GSK3B: variants seen among roughly 807,000 people sequenced by gnomAD.
The protein encoded by GSK3B is glycogen synthase kinase 3 beta.
GSK3B carries 15 observed loss-of-function variants against 56.4 expected under a neutral mutation model. The observed-to-expected ratio is 0.27, with a 90% CI of 0.18 to 0.41. GSK3B has a LOEUF of 0.41. Ranked by LOEUF, GSK3B falls within the 10% of genes least tolerant of loss-of-function variation. The pLI is 1.00. For missense variants in GSK3B, 300 were observed against 513.4 expected (o/e 0.58, Z 4.02); for synonymous variants, 181 against 188.9 (o/e 0.96, Z 0.34).
intron 10 of GSK3B, among the ~76,000 whole-genome samples, chr3:119,833,630 T>C (rs1482389357): frequency 1.3e-5 from 2 of 149,940 alleles, no homozygotes; most frequent in South Asian, 2.1e-4. Context: ...TTTAGACAAA[T>C]CAAATGAGCC....
At chr3:119,923,346 A>T (rs1170480564) in intron 4 of GSK3B, 27 bp downstream of exon 4, 1 of 1,210,782 alleles carries the variant, frequency 8.3e-7, no homozygotes, top group East Asian at 2.3e-5. Flanking sequence ...GTTTTCTAAA[A>T]TGGAAAATTG....
chr3:119,869,245 A>AAAAAAAAC (rs1455323431), intron 8 of GSK3B, among the ~76,000 whole-genome samples: 82 of 149,508 alleles, frequency 5.5e-4, no homozygotes, highest in African/African-American at 2.0e-3. Flanking sequence ...AAAAAAAAAA[A>AAAAAAAAC]ACATATATTC....
chr3:119,834,271 T>C (rs1175757962), intron 10 of GSK3B, among the ~76,000 whole-genome samples: 1 of 152,228 alleles, frequency 6.6e-6, no homozygotes, highest in East Asian at 1.9e-4. Context: ...TGTTATTAAC[T>C]GGCACATTAA....
chr3:119,865,452 ATATATATATATATATTTTTT>A (rs1426857514), intron 8 of GSK3B, among the ~76,000 whole-genome samples: 1 of 18,194 alleles, frequency 5.5e-5, no homozygotes, highest in Non-Finnish European at 1.5e-4. Context: ...ATATATATAT[ATATATATATATATATTTTTT>A]TTTTTTTTTT....
At chr3:120,042,223 TTCC>T (rs2058069874) in intron 1 of GSK3B, among the ~76,000 whole-genome samples, 1 of 152,148 alleles carries the variant, frequency 6.6e-6, no homozygotes, top group Non-Finnish European at 1.5e-5. Context: ...ACTCCTTACC[TTCC>T]TCCTCCTACT....
At chr3:120,003,534 T>G (rs1343028309) in intron 1 of GSK3B, among the ~76,000 whole-genome samples, 1 of 152,154 alleles carries the variant, frequency 6.6e-6, no homozygotes, top group Non-Finnish European at 1.5e-5. Context: ...CATTACAATT[T>G]CCTTTCTAAA....
At chr3:119,986,521 C>T (rs973298344) in intron 2 of GSK3B, among the ~76,000 whole-genome samples, 6 of 151,026 alleles carry the variant, frequency 4.0e-5, no homozygotes, top group Admixed American at 4.0e-4. Context: ...AAGTGGGCAA[C>T]AGATATGAAC....
chr3:119,998,346 T>A (rs2057644272), intron 2 of GSK3B, among the ~76,000 whole-genome samples: 1 of 152,188 alleles, frequency 6.6e-6, no homozygotes, highest in Non-Finnish European at 1.5e-5. Flanking sequence ...AACAGGCCCA[T>A]GTGGCAAGGG....
intron 1 of GSK3B, among the ~76,000 whole-genome samples, chr3:120,038,583 G>GA: frequency 6.6e-6 from 1 of 152,070 alleles, no homozygotes; most frequent in Non-Finnish European, 1.5e-5. Flanking sequence ...GTCTTTTTCT[G>GA]AAAAATGGTA....
At chr3:119,888,194 C>T (rs1487492304) in intron 7 of GSK3B, among the ~76,000 whole-genome samples, 1 of 152,078 alleles carries the variant, frequency 6.6e-6, no homozygotes, top group African/African-American at 2.4e-5. Context: ...ATTTCCCCCT[C>T]ATTAAAAAAT....
chr3:119,876,806 C>T (rs1442944860), intron 7 of GSK3B, among the ~76,000 whole-genome samples: 1 of 152,096 alleles, frequency 6.6e-6, no homozygotes, highest in African/African-American at 2.4e-5. Context: ...ATTTCAAGAG[C>T]AGGCTGGTTA....
chr3:120,072,851 A>G (rs1462897521), intron 1 of GSK3B, among the ~76,000 whole-genome samples: 1 of 152,204 alleles, frequency 6.6e-6, no homozygotes, highest in Non-Finnish European at 1.5e-5. Flanking sequence ...AAGTGTTAAC[A>G]CTTCTGTTCT....
intron 9 of GSK3B, among the ~76,000 whole-genome samples, chr3:119,854,758 T>C (rs1016179296): frequency 6.6e-6 from 1 of 152,250 alleles, no homozygotes; most frequent in Non-Finnish European, 1.5e-5. Flanking sequence ...GTGGGATCGG[T>C]GGTGATACCC....
rs1159711149 is a variant in GSK3B at position 119,824,446 on chromosome 3, G to A, written c.*2342C>T. The A allele has an allele frequency of 4.7e-6, 1 of 214,996 alleles. No homozygotes were observed. Among genetic ancestry groups the A allele is most frequent in the Admixed American group, 5.9e-5 (1 of 17,084 alleles). The allele number at this position is 214,996 out of a possible 1,614,324, so 13.3% of individuals were successfully genotyped here. A position where few individuals can be genotyped will look rare whatever the true frequency, so the allele number is the denominator to read the frequency against. ...GGGGGCAACCTGTTTCCTAAAATAAGCACTGATTTTTATGGACTCTGGGGA... is the reference window on the plus strand; with the variant it reads ...GGGGGCAACCTGTTTCCTAAAATAAACACTGATTTTTATGGACTCTGGGGA... On this transcript the variant is annotated 3_prime_UTR_variant, in exon 11 of 11. Transcript: ENST00000264235.
chr3:119,929,334 TACTC>T (rs774436659), intron 3 of GSK3B, among the ~76,000 whole-genome samples: 6 of 152,236 alleles, frequency 3.9e-5, no homozygotes, highest in African/African-American at 1.2e-4. Flanking sequence ...TTTTAACTAT[TACTC>T]AATCACAAAG....
chr3:120,037,521 G>A (rs946532158), intron 1 of GSK3B, among the ~76,000 whole-genome samples: 1 of 151,988 alleles, frequency 6.6e-6, no homozygotes, highest in Admixed American at 6.5e-5. Context: ...TAAGCAAGCC[G>A]GTAGTGTGTA....
At chr3:119,911,759 C>G (rs2056736731) in intron 6 of GSK3B, among the ~76,000 whole-genome samples, 1 of 152,176 alleles carries the variant, frequency 6.6e-6, no homozygotes, top group Non-Finnish European at 1.5e-5. Flanking sequence ...TACCCTTAAT[C>G]CTCATGAAAT....
chr3:120,008,741 AG>A (rs1420308458), intron 1 of GSK3B, among the ~76,000 whole-genome samples: 2 of 152,248 alleles, frequency 1.3e-5, no homozygotes, highest in African/African-American at 4.8e-5. Flanking sequence ...GTTAAGACCT[AG>A]GTCCATAAAA....
At chr3:119,873,626 C>T (rs935683405) in intron 8 of GSK3B, among the ~76,000 whole-genome samples, 1 of 152,036 alleles carries the variant, frequency 6.6e-6, no homozygotes. Flanking sequence ...GGAAAGGAGT[C>T]TGAGTTCCCT....
Sources: allele counts gnomAD v4.1 joint callset (sites outside exome capture counted in the v4.1 genomes callset), GRCh38; gene constraint gnomAD v4.1.1; transcripts MANE v1.5; gene names NCBI Gene and HGNC (gene_info 2026-07-23, HGNC 2026-07-21).